The following FAM53A variants were observed in gnomAD, a reference collection of about 807,000 sequenced individuals.
The protein encoded by FAM53A is family with sequence similarity 53 member A.
A neutral mutation model predicts 26.6 loss-of-function variants in FAM53A; 28 were observed. The ratio of observed to expected loss-of-function variants is 1.05; its 90% CI spans 0.78 to 1.45. FAM53A has a LOEUF of 1.45. Ranked by LOEUF, FAM53A falls within the 40% of genes most tolerant of loss-of-function variation. FAM53A has a pLI of 0.00. For synonymous variants in FAM53A, 290 were observed against 253.1 expected (o/e 1.15, Z -1.38); for missense variants, 650 against 575.8 (o/e 1.13, Z -1.32).
In FAM53A at chr4:1,630,335, C is replaced by A. The variant is rs1377054502; in HGVS notation, c.432-12224G>T. On this transcript the variant is annotated intron_variant, in intron 1 of 1. Coordinates refer to the FAM53A transcript ENST00000489029. The surrounding 1 kb of genome is among the most constrained non-coding windows in gnomAD (Gnocchi z 4.3). ...GTGGCCCCCATGGTGTCTGCTGAGA[C>A]CACTCACCTCTGCCACTGCAGCCGA... Among the ~76,000 whole-genome samples, 2 of 152,230 alleles carry A rather than the reference C, an allele frequency of 1.3e-5. No homozygotes were observed. The highest frequency in any genetic ancestry group is 2.9e-5 in the Non-Finnish European group (2 of 68,046).
At chr4:1,677,802 G>C (rs374315764) in intron 1 of FAM53A, among the ~76,000 whole-genome samples, 1 of 152,192 alleles carries the variant, frequency 6.6e-6, no homozygotes, top group South Asian at 2.1e-4. Context: ...AAAATTAGCC[G>C]AGCGTGGTAG....
At chr4:1,681,723 C>G (rs1199507392) in intron 1 of FAM53A, among the ~76,000 whole-genome samples, 2 of 151,732 alleles carry the variant, frequency 1.3e-5, no homozygotes, top group African/African-American at 4.8e-5. Flanking sequence ...GGCTGGTCTC[C>G]AACTCCTGGG....
intron 4 of FAM53A, among the ~76,000 whole-genome samples, chr4:1,654,183 G>A (rs946772582): frequency 6.6e-6 from 1 of 152,186 alleles, no homozygotes; most frequent in Admixed American, 6.5e-5. Context: ...TTCTGCCACT[G>A]CCCAAAGCTT....
chr4:1,610,339 C>T, the FAM53A span, among the ~76,000 whole-genome samples: 2 of 152,164 alleles, frequency 1.3e-5, no homozygotes, highest in Non-Finnish European at 1.5e-5. Flanking sequence ...ACCTGCCACC[C>T]GCCTCAGGAC....
In FAM53A at chr4:1,665,889, G is replaced by A. The variant is rs191244504; in HGVS notation, c.75+2778C>T. ...CTACTGGGTACTGTGCTCACAACCCGAGTGCAATATAGCCAAGTGACAAAC... is the reference window on the plus strand; with the variant it reads ...CTACTGGGTACTGTGCTCACAACCCAAGTGCAATATAGCCAAGTGACAAAC... On this transcript the variant is annotated intron_variant, in intron 2 of 4. Transcript: ENST00000308132. Among the ~76,000 whole-genome samples the A allele has an allele frequency of 3.4e-4, 51 of 152,078 alleles. 1 individual carries two copies. The highest frequency in any genetic ancestry group is 1.1e-3 in the African/African-American group (46 of 41,432).
At chr4:1,621,658 C>T (rs1715042152) in intron 1 of FAM53A, among the ~76,000 whole-genome samples, 1 of 152,212 alleles carries the variant, frequency 6.6e-6, no homozygotes. Flanking sequence ...GTGCCAGCCC[C>T]TCCCACTGGA....
At chr4:1,627,422 C>T (rs1479159351) in intron 1 of FAM53A, among the ~76,000 whole-genome samples, 1 of 152,224 alleles carries the variant, frequency 6.6e-6, no homozygotes, top group African/African-American at 2.4e-5. Context: ...ACCACAGTCA[C>T]TTGTATAACC....
chr4:1,578,246 A>G, the FAM53A span, among the ~76,000 whole-genome samples: 2 of 152,192 alleles, frequency 1.3e-5, no homozygotes, highest in East Asian at 3.9e-4. Flanking sequence ...TAATTCTCCT[A>G]ATTAGAATTA....
chr4:1,638,947 TAG>T (rs1203729498), downstream of FAM53A, among the ~76,000 whole-genome samples: 5 of 152,166 alleles, frequency 3.3e-5, no homozygotes, highest in Admixed American at 3.3e-4. Flanking sequence ...GGACTCAGCG[TAG>T]AGAGTGACTG....
downstream of FAM53A, among the ~76,000 whole-genome samples, chr4:1,613,572 G>A (rs113350624): frequency 5.0e-4 from 76 of 152,240 alleles, 1 homozygote; most frequent in South Asian, 0.011. Context: ...AGAAAGTCCC[G>A]GGCAGGCCTG....
intron 2 of FAM53A, among the ~76,000 whole-genome samples, chr4:1,664,656 A>G (rs1001238245): frequency 2.6e-5 from 4 of 152,202 alleles, no homozygotes; most frequent in Admixed American, 6.5e-5. Context: ...TCCTCAACAC[A>G]GGCAATCACA....
rs1715728820 is a variant in FAM53A, at chr4:1,634,012, G to A, written c.432-15901C>T. 2.0e-5 allele frequency among the ~76,000 whole-genome samples: 3 copies of A among 152,134 alleles called. No homozygotes were observed. In the South Asian group the frequency reaches 6.2e-4, roughly 32 times the overall value. On this transcript the variant is annotated intron_variant, in intron 1 of 1. Coordinates refer to the FAM53A transcript ENST00000489029. ...GCGCCCGGGGTTTCAGGGACACCCGGGAGGACCAGCAGAACACCAGGAGGG... is the reference window on the plus strand; with the variant it reads ...GCGCCCGGGGTTTCAGGGACACCCGAGAGGACCAGCAGAACACCAGGAGGG...
intron 2 of FAM53A, among the ~76,000 whole-genome samples, chr4:1,658,028 T>C (rs1481861212): frequency 2.0e-5 from 3 of 151,934 alleles, no homozygotes; most frequent in Non-Finnish European, 4.4e-5. Flanking sequence ...TGTCTGTTTT[T>C]GAGACAGAGT....
intron 2 of FAM53A, among the ~76,000 whole-genome samples, chr4:1,665,456 C>T (rs1714154588): frequency 6.6e-6 from 1 of 151,602 alleles, no homozygotes; most frequent in African/African-American, 2.4e-5. Context: ...CCACTGCACT[C>T]CAGCCTCGGC....
intron 2 of FAM53A, among the ~76,000 whole-genome samples, chr4:1,658,242 G>A (rs138784664): frequency 0.014 from 2,097 of 148,642 alleles, 49 homozygotes; most frequent in African/African-American, 0.048. Flanking sequence ...GGATGGTCTC[G>A]ATCTCTTCAC....
intron 1 of FAM53A, among the ~76,000 whole-genome samples, chr4:1,672,135 GACCCAAAGACCCAGGT>G (rs1714711490): frequency 6.9e-6 from 1 of 145,322 alleles, no homozygotes; most frequent in South Asian, 2.3e-4. Flanking sequence ...GGGACCTAGG[GACCCAAAGACCCAGGT>G]ACCCACAGAC....
intron 1 of FAM53A, 80 bp downstream of exon 1, chr4:1,684,153 C>T (rs1715647562): frequency 6.6e-6 from 1 of 151,876 alleles, no homozygotes; most frequent in South Asian, 2.1e-4. Flanking sequence ...GCGGGCAAAG[C>T]TCGGAGCCGG....
chr4:1,644,298 G>A (rs779355142), intron 4 of FAM53A: 27 of 1,535,826 alleles, frequency 1.8e-5, no homozygotes, highest in East Asian at 9.8e-5. Context: ...AGCTCACGCC[G>A]AGGCCTCGGA....
At chr4:1,613,530 C>T (rs569203008), downstream of FAM53A, among the ~76,000 whole-genome samples, 6 of 152,294 alleles carry the variant, frequency 3.9e-5, no homozygotes, top group South Asian at 2.1e-4. Flanking sequence ...AACCCTGATG[C>T]GAAAATAAGC....
Sources: allele counts gnomAD v4.1 joint callset (sites outside exome capture counted in the v4.1 genomes callset), GRCh38; gene constraint gnomAD v4.1.1; non-coding constraint Gnocchi (gnomAD v3.1); transcripts MANE v1.5; gene names NCBI Gene and HGNC (gene_info 2026-07-23, HGNC 2026-07-21).